The following MAP4 variants were observed in gnomAD, a reference collection of about 807,000 sequenced individuals.
MAP4 encodes microtubule associated protein 4, also known as microtubule-associated protein 4.
A neutral mutation model predicts 170.2 loss-of-function variants in MAP4; 76 were observed. That is an observed-to-expected ratio of 0.45 (90% confidence interval 0.37 to 0.54). The LOEUF (loss-of-function observed/expected upper bound fraction) is 0.54. Among genes scored for constraint, MAP4 ranks in the 20% least tolerant of loss-of-function variants. The pLI, the probability that MAP4 is intolerant of heterozygous loss-of-function variation, is 0.00. For synonymous variants in MAP4, 909 were observed against 994.5 expected (o/e 0.91, Z 1.62); for missense variants, 2,506 against 2,748.0 (o/e 0.91, Z 1.97).
chr3:47,937,451 T>C (rs1412552203), intron 3 of MAP4, among the ~76,000 whole-genome samples: 1 of 152,148 alleles, frequency 6.6e-6, no homozygotes, highest in Non-Finnish European at 1.5e-5. Flanking sequence ...AAAAGCAATA[T>C]GTTTTTTCAT....
At chr3:47,943,630 C>T (rs2100057898) in intron 3 of MAP4, among the ~76,000 whole-genome samples, 1 of 151,792 alleles carries the variant, frequency 6.6e-6, no homozygotes, top group African/African-American at 2.4e-5. Context: ...AAAAAGGCTT[C>T]AAACCCATCT....
intron 1 of MAP4, among the ~76,000 whole-genome samples, chr3:48,031,525 TG>T (rs1579399791): frequency 6.6e-6 from 1 of 151,882 alleles, no homozygotes; most frequent in Non-Finnish European, 1.5e-5. Flanking sequence ...CACTCCAGCC[TG>T]GGCGACAGAG....
At chr3:47,889,298 T>A (rs2098183265) in intron 10 of MAP4, among the ~76,000 whole-genome samples, 1 of 152,226 alleles carries the variant, frequency 6.6e-6, no homozygotes, top group Non-Finnish European at 1.5e-5. Context: ...ATATCTTTGT[T>A]TAATATGAGT....
At chr3:48,002,816 G>A (rs1262183255) in intron 1 of MAP4, among the ~76,000 whole-genome samples, 1 of 147,534 alleles carries the variant, frequency 6.8e-6, no homozygotes, top group Non-Finnish European at 1.5e-5. Context: ...GGTGGAGGTT[G>A]CAGTGAGCCG....
intron 10 of MAP4, 47 bp from the exon 11 acceptor site, chr3:47,877,570 A>C: frequency 7.6e-7 from 1 of 1,308,276 alleles, no homozygotes; most frequent in South Asian, 1.3e-5. Flanking sequence ...AACATTTTAC[A>C]TGCCCATTTT....
chr3:47,925,055 C>A (rs370886467), intron 4 of MAP4, among the ~76,000 whole-genome samples: 1 of 152,302 alleles, frequency 6.6e-6, no homozygotes, highest in East Asian at 1.9e-4. Context: ...CGTGATCCAC[C>A]TGCCTCAGCC....
At chr3:47,966,930 C>A (rs1235140856) in intron 3 of MAP4, among the ~76,000 whole-genome samples, 2 of 152,132 alleles carry the variant, frequency 1.3e-5, no homozygotes, top group African/African-American at 2.4e-5. Flanking sequence ...CAACTTTGTT[C>A]TTTTTCAAGA....
chr3:48,022,350 T>C (rs2100110984), intron 1 of MAP4, among the ~76,000 whole-genome samples: 1 of 152,138 alleles, frequency 6.6e-6, no homozygotes, highest in South Asian at 2.1e-4. Flanking sequence ...GAGGATCATT[T>C]GAGCCCAGGA....
intron 1 of MAP4, among the ~76,000 whole-genome samples, chr3:48,054,810 A>C (rs2100129850): frequency 6.8e-6 from 1 of 148,056 alleles, no homozygotes; most frequent in Non-Finnish European, 1.5e-5. Context: ...TCTGTCTCCA[A>C]AAAAAAAAAA....
intron 3 of MAP4, among the ~76,000 whole-genome samples, chr3:47,967,090 A>G (rs1442868053): frequency 5.3e-5 from 8 of 152,214 alleles, no homozygotes; most frequent in South Asian, 2.1e-4. Flanking sequence ...TAATCCCAGC[A>G]CTTTGGGAGG....
At chr3:47,973,780 T>C (rs956080083) in intron 3 of MAP4, 1 of 985,270 alleles carries the variant, frequency 1.0e-6, no homozygotes, top group African/African-American at 1.7e-5. Flanking sequence ...TTTGAAAAGA[T>C]CCCTGGCGAA....
At chr3:47,859,054 G>C (rs745966388) in intron 17 of MAP4, among the ~76,000 whole-genome samples, 1 of 152,090 alleles carries the variant, frequency 6.6e-6, no homozygotes, top group Admixed American at 6.6e-5. Context: ...GCATGAACTC[G>C]GGAGGCAGAG....
intron 1 of MAP4, among the ~76,000 whole-genome samples, chr3:48,056,759 T>A (rs1312152207): frequency 3.4e-4 from 9 of 26,780 alleles, no homozygotes; most frequent in Admixed American, 6.0e-4. Context: ...GGAGCCCCTC[T>A]GCCCGGCCAG....
At chr3:47,949,451 G>C (rs1306235834) in intron 3 of MAP4, among the ~76,000 whole-genome samples, 1 of 119,758 alleles carries the variant, frequency 8.4e-6, no homozygotes, top group African/African-American at 3.2e-5. Flanking sequence ...GGGCAACAGA[G>C]CAAGACTGCG....
intron 10 of MAP4, among the ~76,000 whole-genome samples, chr3:47,879,788 T>C (rs1356855173): frequency 6.6e-6 from 1 of 152,236 alleles, no homozygotes; most frequent in Non-Finnish European, 1.5e-5. Flanking sequence ...TAGCCATATC[T>C]ACCCCATCCC....
intron 4 of MAP4, among the ~76,000 whole-genome samples, chr3:47,927,596 C>T (rs1315302204): frequency 1.3e-5 from 2 of 152,162 alleles, no homozygotes; most frequent in Admixed American, 6.5e-5. Flanking sequence ...CTGCCTCAGC[C>T]TCCCGAGTAG....
At chr3:48,033,193 G>C (rs2100117064) in intron 1 of MAP4, among the ~76,000 whole-genome samples, 1 of 152,130 alleles carries the variant, frequency 6.6e-6, no homozygotes, top group Non-Finnish European at 1.5e-5. Flanking sequence ...AAAGGTAGGA[G>C]GTATTATCAT....
chr3:47,961,732 A>G (rs1198749710), intron 3 of MAP4, among the ~76,000 whole-genome samples: 3 of 152,136 alleles, frequency 2.0e-5, no homozygotes, highest in Admixed American at 2.0e-4. Context: ...TCTTACTTCC[A>G]TGGTGCTCTG....
rs552182090 is a variant in MAP4, at chr3:47,872,758, C to T, written c.5758-658G>A. Reference sequence around the variant, plus strand: ...CTGCTATATATATCATACACACACACACACGCATATATTTTAATGTAACCT... The same window carrying T: ...CTGCTATATATATCATACACACACATACACGCATATATTTTAATGTAACCT... On this transcript the variant is annotated intron_variant, in intron 12 of 20. Transcript: ENST00000683076. Among the ~76,000 whole-genome samples, 5 of 152,300 alleles carry T rather than the reference C, an allele frequency of 3.3e-5. No homozygotes were observed. In the South Asian group the frequency reaches 1.0e-3, roughly 32 times the overall value.
Sources: gnomAD v4.1 joint callset for allele counts (sites outside exome capture counted in the v4.1 genomes callset) on GRCh38, gnomAD v4.1.1 for gene constraint, MANE v1.5 for transcripts, NCBI Gene and HGNC (gene_info 2026-07-23, HGNC 2026-07-21) for gene names.